PABPC4L: variants seen among roughly 807,000 people sequenced by gnomAD.
The protein encoded by PABPC4L is poly(A) binding protein cytoplasmic 4 like.
For synonymous variants in PABPC4L, 169 were observed against 164.1 expected (o/e 1.03, Z -0.23); for missense variants, 452 against 451.4 (o/e 1.00, Z -0.01).
chr4:133,965,673 G>A, the PABPC4L span, among the ~76,000 whole-genome samples: 3 of 152,026 alleles, frequency 2.0e-5, no homozygotes, highest in Non-Finnish European at 4.4e-5. Flanking sequence ...AATACTTGCA[G>A]CCAACTGATC....
chr4:134,059,324 A>C, the PABPC4L span, among the ~76,000 whole-genome samples: 2 of 151,390 alleles, frequency 1.3e-5, no homozygotes, highest in Non-Finnish European at 2.9e-5. Context: ...ATACAAGACA[A>C]GGATGAAAGA....
chr4:134,117,289 C>A, the PABPC4L span, among the ~76,000 whole-genome samples: 3 of 151,870 alleles, frequency 2.0e-5, no homozygotes, highest in Non-Finnish European at 4.4e-5. Context: ...AAAAGTAATT[C>A]TCTGTCTTAC....
the PABPC4L span, among the ~76,000 whole-genome samples, chr4:134,105,978 T>C: frequency 2.0e-5 from 3 of 151,694 alleles, no homozygotes; most frequent in Non-Finnish European, 4.4e-5. Context: ...TTCCTGCTTA[T>C]AAATTTTTCT....
At chr4:134,100,908 T>C in the PABPC4L span, among the ~76,000 whole-genome samples, 60 of 151,740 alleles carry the variant, frequency 4.0e-4, 1 homozygote, top group Non-Finnish European at 7.1e-4. Flanking sequence ...AATTTATTTA[T>C]AGCCAAAATA....
chr4:134,176,119 T>G, the PABPC4L span, among the ~76,000 whole-genome samples: 1 of 152,156 alleles, frequency 6.6e-6, no homozygotes, highest in Non-Finnish European at 1.5e-5. Context: ...AATAACATCT[T>G]GCATAAACTA....
At chr4:134,166,942 A>G in the PABPC4L span, among the ~76,000 whole-genome samples, 4 of 152,056 alleles carry the variant, frequency 2.6e-5, no homozygotes, top group African/African-American at 9.7e-5. Flanking sequence ...GCACCCTTCA[A>G]TCATCTGTCC....
the PABPC4L span, among the ~76,000 whole-genome samples, chr4:134,118,719 T>C: frequency 0.014 from 2,112 of 151,902 alleles, 42 homozygotes; most frequent in African/African-American, 0.048. Context: ...TTTTCTTTAC[T>C]TGCTTAAATT....
At chr4:134,086,517 T>C in the PABPC4L span, among the ~76,000 whole-genome samples, 12 of 152,138 alleles carry the variant, frequency 7.9e-5, no homozygotes. Flanking sequence ...TTTCAATTTT[T>C]TTTTTTATCA....
the PABPC4L span, among the ~76,000 whole-genome samples, chr4:134,159,461 G>A: frequency 6.6e-6 from 1 of 152,132 alleles, no homozygotes; most frequent in Admixed American, 6.5e-5. Context: ...AGCCCAGACA[G>A]CACAGCACAA....
chr4:134,146,969 A>G, the PABPC4L span, among the ~76,000 whole-genome samples: 1 of 152,042 alleles, frequency 6.6e-6, no homozygotes, highest in Admixed American at 6.6e-5. Flanking sequence ...AGTCTTGTCT[A>G]CTTAGGAATT....
chr4:134,168,179 G>A, the PABPC4L span, among the ~76,000 whole-genome samples: 9 of 151,758 alleles, frequency 5.9e-5, no homozygotes, highest in East Asian at 1.7e-3. Context: ...ACTGAGCATT[G>A]GGACAATAAA....
At chr4:134,187,505 G>A in the PABPC4L span, among the ~76,000 whole-genome samples, 1,253 of 132,154 alleles carry the variant, frequency 9.5e-3, 12 homozygotes, top group Non-Finnish European at 0.015. Context: ...AGAACACTTG[G>A]ACACAGGGTG....
the PABPC4L span, among the ~76,000 whole-genome samples, chr4:134,176,973 C>A: frequency 6.6e-6 from 1 of 152,202 alleles, no homozygotes; most frequent in East Asian, 1.9e-4. Context: ...CTGGTGGCCA[C>A]AACCCCAATA....
chr4:134,173,001 T>A, the PABPC4L span, among the ~76,000 whole-genome samples: 1 of 151,310 alleles, frequency 6.6e-6, no homozygotes, highest in East Asian at 1.9e-4. Flanking sequence ...ATATAAAAAC[T>A]ACAAGGAGAT....
At chr4:134,157,482 GATTTTT>G in the PABPC4L span, among the ~76,000 whole-genome samples, 1 of 151,634 alleles carries the variant, frequency 6.6e-6, no homozygotes, top group Admixed American at 6.6e-5. Context: ...AGAATGTGTT[GATTTTT>G]ATTTTTATTA....
the PABPC4L span, among the ~76,000 whole-genome samples, chr4:134,185,009 T>C: frequency 6.6e-6 from 1 of 152,100 alleles, no homozygotes; most frequent in African/African-American, 2.4e-5. Context: ...ATTTTTTAAA[T>C]CAGGTAATTC....
chr4:134,023,440 C>A, the PABPC4L span, among the ~76,000 whole-genome samples: 1 of 152,118 alleles, frequency 6.6e-6, no homozygotes, highest in Non-Finnish European at 1.5e-5. Context: ...ACTTTTACAG[C>A]AGTTCCTGAT....
At chr4:134,123,352 G>A in the PABPC4L span, among the ~76,000 whole-genome samples, 3 of 151,958 alleles carry the variant, frequency 2.0e-5, no homozygotes, top group Non-Finnish European at 4.4e-5. Flanking sequence ...GCACACAAAT[G>A]AGAAAAAATG....
chr4:133,986,244 C>T, the PABPC4L span, among the ~76,000 whole-genome samples: 4 of 152,042 alleles, frequency 2.6e-5, no homozygotes, highest in Non-Finnish European at 5.9e-5. Context: ...CCATTTATAA[C>T]ATAAACAACT....
Sources: allele counts gnomAD v4.1 joint callset (sites outside exome capture counted in the v4.1 genomes callset), GRCh38; gene constraint gnomAD v4.1.1; transcripts MANE v1.5; gene names NCBI Gene and HGNC (gene_info 2026-07-23, HGNC 2026-07-21).